The following NLRP4 variants were observed in gnomAD, a reference collection of about 807,000 sequenced individuals.
The protein encoded by NLRP4 is NLR family pyrin domain containing 4.
Under a neutral mutation model 84.7 loss-of-function variants are expected in NLRP4, and 44 were observed. That is an observed-to-expected ratio of 0.52 (90% CI 0.41 to 0.67). NLRP4 has a LOEUF of 0.67. NLRP4 is among the 30% of genes least tolerant of loss of function. NLRP4 has a pLI of 0.00. For missense variants in NLRP4, 1,260 were observed against 1,219.4 expected (o/e 1.03, Z -0.50); for synonymous variants, 544 against 476.4 (o/e 1.14, Z -1.85).
chr19:55,866,456 A>T (rs1193012006), intron 5 of NLRP4, among the ~76,000 whole-genome samples: 1 of 152,028 alleles, frequency 6.6e-6, no homozygotes, highest in African/African-American at 2.4e-5. Flanking sequence ...TTTCTGGACA[A>T]CTCCCATAAT....
intron 2 of NLRP4, among the ~76,000 whole-genome samples, chr19:55,854,300 T>C (rs1003757279): frequency 2.0e-5 from 3 of 152,160 alleles, no homozygotes; most frequent in African/African-American, 4.8e-5. Flanking sequence ...TTCACATGTT[T>C]TATTTATGCA....
chr19:55,852,274 A>G lies in NLRP4; in HGVS notation c.194A>G (p.Glu65Gly), dbSNP rs1427686455. 1 of 1,606,914 alleles carries G rather than the reference A, an allele frequency of 6.2e-7. No homozygotes were observed. Among genetic ancestry groups the G allele is most frequent in the East Asian group, 2.2e-5 (1 of 44,828 alleles). Residue 65 changes from glutamate (E) to glycine (G), a missense_variant, in exon 2 of 10, where the codon GAA becomes GGA. Coordinates refer to ENST00000301295, the MANE Select transcript of NLRP4 (RefSeq NM_134444.5). Reference protein sequence around the residue: ...LANLLIKHYEEQQAWNITLRI... With the variant: ...LANLLIKHYEGQQAWNITLRI... ...AACCTCTTGATCAAGCACTATGAAG[A>G]ACAACAAGCTTGGAACATAACCTTA...
intron 7 of NLRP4, among the ~76,000 whole-genome samples, chr19:55,873,534 C>G (rs1054829543): frequency 1.3e-5 from 2 of 152,068 alleles, no homozygotes; most frequent in African/African-American, 4.8e-5. Flanking sequence ...TTATAAGTTA[C>G]TTATTAAAAC....
At chr19:55,840,338 ATGTGTATGTGTGTGTGTGTGTG>A (rs1248869287) in intron 1 of NLRP4, among the ~76,000 whole-genome samples, 2 of 136,928 alleles carry the variant, frequency 1.5e-5, no homozygotes, top group African/African-American at 2.8e-5. Context: ...ACATATGTGT[ATGTGTATGTGTGTGTGTGTGTG>A]TGTGTGTGTG....
chr19:55,861,460 A>G lies in NLRP4; in HGVS notation c.1931A>G (p.Gln644Arg). The G allele has an allele frequency of 8.1e-6, 13 of 1,614,132 alleles. No homozygotes were observed. The highest frequency in any genetic ancestry group is 1.1e-5 in the Non-Finnish European group (13 of 1,179,948). ...LTTSGHLRELQVQDSTLSEST... is the reference protein window; with the variant it reads ...LTTSGHLRELRVQDSTLSEST... ...ACCAGCGGGCACCTCAGAGAGCTCC[A>G]GGTGCAGGACAGCACCCTCAGCGAG... Residue 644 changes from glutamine (Q) to arginine (R), a missense_variant, in exon 4 of 10, where the codon CAG (glutamine) becomes CGG (arginine). Gln to Arg is a conservative substitution (Grantham distance 43, BLOSUM62 1). Transcript: ENST00000301295.
intron 2 of NLRP4, among the ~76,000 whole-genome samples, chr19:55,853,302 G>A (rs1401311050): frequency 4.6e-5 from 7 of 152,104 alleles, no homozygotes; most frequent in African/African-American, 1.7e-4. Flanking sequence ...TGCATCTGAG[G>A]TTCAGTAACT....
chr19:55,861,441 G>A lies in NLRP4; in HGVS notation c.1912G>A (p.Gly638Arg), dbSNP rs143589259. 6.2e-3 allele frequency: 10,081 copies of A among 1,614,022 alleles called. 51 individuals carry two copies. Among genetic ancestry groups the A allele is most frequent in the Non-Finnish European group, 6.2e-3 (7,366 of 1,179,894 alleles). The change falls in exon 4 of 10, where the codon GGG becomes AGG. Residue 638 changes from glycine (G) to arginine (R), a missense_variant. Gly to Arg is a moderately radical substitution (Grantham distance 125, BLOSUM62 -2). This residue lies in a region of NLRP4 where 544 missense variants were observed against 531.7 expected (regional missense o/e 1.02). Transcript: ENST00000301295. ...CATCTGCTCTGTGCTCACCACCAGC[G>A]GGCACCTCAGAGAGCTCCAGGTGCA... ...HHICSVLTTS[G>R]HLRELQVQDS...
chr19:55,853,945 G>C (rs1286659142), intron 2 of NLRP4, among the ~76,000 whole-genome samples: 6 of 117,820 alleles, frequency 5.1e-5, no homozygotes, highest in African/African-American at 1.7e-4. Flanking sequence ...CTCTCTTTCT[G>C]TCTTTCTCTC....
chr19:55,839,707 AT>A (rs1199998503), intron 1 of NLRP4, among the ~76,000 whole-genome samples: 28 of 151,988 alleles, frequency 1.8e-4, no homozygotes, highest in Non-Finnish European at 3.8e-4. Context: ...TCCAGTTTGT[AT>A]TTTCAAAGAA....
chr19:55,881,166 T>TGTGTGTGTGTGTGTGTAC (rs1555811540), intron 9 of NLRP4, among the ~76,000 whole-genome samples: 1 of 151,398 alleles, frequency 6.6e-6, no homozygotes, highest in Non-Finnish European at 1.5e-5. Flanking sequence ...TGTGTGTGTG[T>TGTGTGTGTGTGTGTGTAC]ACCTGTCTTT....
At chr19:55,853,701 T>C (rs1984260213) in intron 2 of NLRP4, among the ~76,000 whole-genome samples, 1 of 151,850 alleles carries the variant, frequency 6.6e-6, no homozygotes, top group South Asian at 2.1e-4. Context: ...TGAGCCACCA[T>C]ACTGGCCTAG....
In NLRP4 at chr19:55,878,815, G is replaced by T; in HGVS notation, c.2718G>T (p.Thr906=). 1 of 1,612,538 alleles carries T rather than the reference G, an allele frequency of 6.2e-7. No homozygotes were observed. Among genetic ancestry groups the T allele is most frequent in the Non-Finnish European group, 8.5e-7 (1 of 1,179,160 alleles). ...EILGLEECGL[T]STCCKDLASV... Reference sequence around the variant, plus strand: ...GCAGGTTGGAAGAATGTGGGTTAACGAGCACCTGCTGTAAGGATCTCGCGT... The same window carrying T: ...GCAGGTTGGAAGAATGTGGGTTAACTAGCACCTGCTGTAAGGATCTCGCGT... The change falls in exon 9 of 10, where the codon ACG becomes ACT. Residue 906 remains threonine, a synonymous_variant. Transcript: ENST00000301295.
rs115383325 is a variant in NLRP4, at chr19:55,848,930, G to A, written c.-65-3086G>A. Among the ~76,000 whole-genome samples the A allele has an allele frequency of 6.0e-3, 914 of 152,254 alleles. 13 individuals carry two copies. The highest frequency in any genetic ancestry group is 0.019 in the African/African-American group (810 of 41,556). On this transcript the variant is annotated intron_variant, in intron 1 of 9. Transcript: ENST00000301295. The stretch of plus-strand genomic sequence containing the variant: ...GGTTCTATAAGGGGAAACCCCTGTC[G>A]TTTGGTCCTCTCTTGTCTGCCGCCA...
intron 2 of NLRP4, among the ~76,000 whole-genome samples, chr19:55,857,207 GTGTA>G (rs1408498047): frequency 1.3e-5 from 2 of 152,278 alleles, no homozygotes; most frequent in East Asian, 1.9e-4. Context: ...ATGAATACCT[GTGTA>G]TGTGTCTATT....
chr19:55,843,826 C>T (rs1026333202), intron 1 of NLRP4, among the ~76,000 whole-genome samples: 1 of 152,074 alleles, frequency 6.6e-6, no homozygotes, highest in Non-Finnish European at 1.5e-5. Flanking sequence ...AAACATACTA[C>T]ATCTGGTCCA....
At chr19:55,840,193 T>C (rs1336292035) in intron 1 of NLRP4, among the ~76,000 whole-genome samples, 1 of 152,188 alleles carries the variant, frequency 6.6e-6, no homozygotes, top group African/African-American at 2.4e-5. Flanking sequence ...TTTTCCATTG[T>C]TTTTAAGCCC....
intron 7 of NLRP4, among the ~76,000 whole-genome samples, chr19:55,876,594 C>T (rs934154820): frequency 6.6e-6 from 1 of 152,046 alleles, no homozygotes; most frequent in African/African-American, 2.4e-5. Context: ...AACTTCTGAC[C>T]TCAGGTGATC....
In NLRP4 at chr19:55,849,771, TAGCTGCGGTGTAATTTCCAA is replaced by T. The variant is rs1425981757; in HGVS notation, c.-65-2206_-65-2187del. On this transcript the variant is annotated intron_variant, in intron 1 of 9. Coordinates refer to ENST00000301295, the MANE Select transcript of NLRP4 (RefSeq NM_134444.5). ...TTTAAAAGTAAAAATGTAATTTCTG[TAGCTGCGGTGTAATTTCCAA>T]AGCTGCGGTGTAATTTCCAAAGCTG... 6.9e-3 allele frequency among the ~76,000 whole-genome samples: 909 copies of T among 132,104 alleles called. 8 individuals carry two copies. The highest frequency in any genetic ancestry group is 0.015 in the African/African-American group (431 of 29,362). 86.7% of individuals were successfully genotyped at this position (132,104 alleles called of 152,430 possible).
chr19:55,861,649 C>T (rs1267963850), intron 4 of NLRP4, 102 bp downstream of exon 4: 8 of 1,099,246 alleles, frequency 7.3e-6, no homozygotes, highest in East Asian at 2.4e-5. Flanking sequence ...AAAGAATTAA[C>T]ATCCAGAGCA....
Sources: gnomAD v4.1 joint callset for allele counts (sites outside exome capture counted in the v4.1 genomes callset) on GRCh38, gnomAD v4.1.1 for gene constraint, gnomAD v4.1.1 regional missense constraint, MANE v1.5 for transcripts, NCBI Gene and HGNC (gene_info 2026-07-23, HGNC 2026-07-21) for gene names.